HDAC4: variants seen among roughly 807,000 people sequenced by gnomAD.
HDAC4 encodes the protein histone deacetylase 4.
Under a neutral mutation model 135.1 loss-of-function variants are expected in HDAC4, and 16 were observed. That is an observed-to-expected ratio of 0.12 (90% CI 0.08 to 0.18). The LOEUF (loss-of-function observed/expected upper bound fraction) is 0.18. Among genes scored for constraint, HDAC4 ranks in the 10% least tolerant of loss-of-function variants. HDAC4 has a pLI of 1.00. For synonymous variants in HDAC4, 685 were observed against 653.4 expected (o/e 1.05, Z -0.74); for missense variants, 1,143 against 1,511.8 (o/e 0.76, Z 4.05).
chr2:239,300,944 G>A (rs1196274832), intron 2 of HDAC4, among the ~76,000 whole-genome samples: 1 of 152,226 alleles, frequency 6.6e-6, no homozygotes, highest in Non-Finnish European at 1.5e-5. Context: ...CCCTCCCTAG[G>A]GCAAGGGCCC....
intron 1 of HDAC4, among the ~76,000 whole-genome samples, chr2:239,397,555 T>C (rs1441436914): frequency 6.6e-6 from 1 of 152,116 alleles, no homozygotes; most frequent in African/African-American, 2.4e-5. Flanking sequence ...CAAGGGGACA[T>C]GTAGGACCCT....
chr2:239,147,551 T>G (rs1271802771), intron 7 of HDAC4, among the ~76,000 whole-genome samples: 2 of 152,270 alleles, frequency 1.3e-5, no homozygotes, highest in African/African-American at 4.8e-5. Context: ...TCGCGGGCCT[T>G]CCACTCATTC....
At chr2:239,212,679 G>C (rs766923879) in intron 3 of HDAC4, among the ~76,000 whole-genome samples, 1 of 152,196 alleles carries the variant, frequency 6.6e-6, no homozygotes, top group Non-Finnish European at 1.5e-5. Context: ...AGTAAACAGG[G>C]GCAGTGAGAG....
chr2:239,066,730 C>G lies in HDAC4; in HGVS notation c.2995G>C (p.Gly999Arg). ...CTCTGGGGTCTTCCTACCTCGTTTCCCAGCAAGGCAGAAACACATGCTTCC... is the reference window on the plus strand; with the variant it reads ...CTCTGGGGTCTTCCTACCTCGTTTCGCAGCAAGGCAGAAACACATGCTTCC... ...ASEACVSALL[G>R]NELDPLPEKV... The change falls in exon 24 of 27, where the codon GGA becomes CGA. Residue 999 changes from glycine to arginine, a missense_variant. Gly to Arg is a moderately radical substitution (Grantham distance 125). Around this residue, in one of 9 missense-constraint regions of HDAC4, gnomAD observed 131 missense variants for 130.6 expected, o/e 1.00. Coordinates refer to ENST00000543185, the MANE Select transcript of HDAC4 (RefSeq NM_001378414.1). 1 of 1,614,002 alleles carries G rather than the reference C, an allele frequency of 6.2e-7. No individual in the cohort carries two copies.
intron 5 of HDAC4, among the ~76,000 whole-genome samples, chr2:239,166,112 G>C (rs895368781): frequency 2.0e-5 from 3 of 152,160 alleles, no homozygotes; most frequent in African/African-American, 7.2e-5. Flanking sequence ...CTCACAAATG[G>C]AGTTTTTGTT....
chr2:239,271,896 A>G (rs900820258), intron 2 of HDAC4, among the ~76,000 whole-genome samples: 1 of 152,184 alleles, frequency 6.6e-6, no homozygotes, highest in Admixed American at 6.5e-5. Flanking sequence ...AAGCCACTAC[A>G]ATGCTGCCAT....
chr2:239,232,198 A>C (rs1159414694), intron 3 of HDAC4, among the ~76,000 whole-genome samples: 3 of 152,266 alleles, frequency 2.0e-5, no homozygotes, highest in Admixed American at 2.0e-4. Context: ...TTGCTTTTAT[A>C]ATCAGGAAGG....
At chr2:239,246,840 G>C (rs2048492178) in intron 2 of HDAC4, among the ~76,000 whole-genome samples, 2 of 152,246 alleles carry the variant, frequency 1.3e-5, no homozygotes, top group Non-Finnish European at 2.9e-5. Flanking sequence ...CACCATCTCT[G>C]CTCCTGAGAG....
chr2:239,348,555 AAAG>A (rs960373630), intron 2 of HDAC4, among the ~76,000 whole-genome samples: 8 of 152,232 alleles, frequency 5.3e-5, no homozygotes, highest in African/African-American at 1.9e-4. Flanking sequence ...GGGAGAAAAA[AAAG>A]GAGGCGTAGC....
At chr2:239,083,971 G>C (rs2035608836) in intron 20 of HDAC4, among the ~76,000 whole-genome samples, 184 bp downstream of exon 20, 1 of 152,244 alleles carries the variant, frequency 6.6e-6, no homozygotes, top group Non-Finnish European at 1.5e-5. Flanking sequence ...AGGGTCGGCT[G>C]ACGGAAGCTG....
intron 24 of HDAC4, among the ~76,000 whole-genome samples, chr2:239,065,355 A>C (rs2033337316): frequency 6.6e-6 from 1 of 152,246 alleles, no homozygotes; most frequent in South Asian, 2.1e-4. Flanking sequence ...ACCCGAGGGC[A>C]TCTGAGCTGC....
chr2:239,280,180 A>G lies in HDAC4; in HGVS notation c.23-43516T>C, dbSNP rs181458474. On this transcript the variant is annotated intron_variant, in intron 2 of 26. Transcript: ENST00000543185. ...GAAAAACATGTTGGTCAAAGAAAAA[A>G]AAAGGCATCTGGAAATTTCTACCTT... Among the ~76,000 whole-genome samples, 17 of 152,310 alleles carry G rather than the reference A, an allele frequency of 1.1e-4. No individual in the cohort carries two copies. The East Asian group carries it at 2.5e-3, about 22-fold the overall frequency.
chr2:239,107,665 C>T (rs527880217), intron 15 of HDAC4, among the ~76,000 whole-genome samples: 3 of 152,358 alleles, frequency 2.0e-5, no homozygotes, highest in South Asian at 4.1e-4. Context: ...CGGATCTCCC[C>T]GTGGCTCCTT....
intron 11 of HDAC4, among the ~76,000 whole-genome samples, chr2:239,128,794 CCCTGCCCAGG>C (rs562146666): frequency 6.4e-4 from 97 of 152,298 alleles, no homozygotes; most frequent in African/African-American, 2.2e-3. Context: ...CTGCACAGTC[CCCTGCCCAGG>C]CCTGACCCTC....
chr2:239,069,915 A>T (rs999461352), intron 22 of HDAC4, among the ~76,000 whole-genome samples: 1 of 152,212 alleles, frequency 6.6e-6, no homozygotes, highest in East Asian at 1.9e-4. Context: ...GACAAGCTGC[A>T]TTAACCTGGG....
At chr2:239,272,426 C>T in intron 2 of HDAC4, among the ~76,000 whole-genome samples, 1 of 152,180 alleles carries the variant, frequency 6.6e-6, no homozygotes, top group East Asian at 1.9e-4. Flanking sequence ...GATCAAGGAG[C>T]TGTATCTAGA....
intron 2 of HDAC4, among the ~76,000 whole-genome samples, chr2:239,296,192 GCCACCACTCTCAAAGCACACACACA>G (rs1248781701): frequency 6.6e-6 from 1 of 152,170 alleles, no homozygotes; most frequent in African/African-American, 2.4e-5. Context: ...CAATCAGAAA[GCCACCACTCTCAAAGCACACACACA>G]CACGCACATA....
intron 2 of HDAC4, chr2:239,305,578 A>AT (rs1044495346): frequency 2.0e-5 from 3 of 152,674 alleles, no homozygotes; most frequent in African/African-American, 7.2e-5. Flanking sequence ...ATTGTTGTAT[A>AT]TTTTTTAAAA....
intron 2 of HDAC4, among the ~76,000 whole-genome samples, chr2:239,332,694 A>G (rs1691665678): frequency 6.6e-6 from 1 of 152,038 alleles, no homozygotes. Context: ...AACCCCAGCA[A>G]ATTAAATCCC....
Sources: allele counts gnomAD v4.1 joint callset (sites outside exome capture counted in the v4.1 genomes callset), GRCh38; gene constraint gnomAD v4.1.1; regional missense constraint gnomAD v4.1.1; transcripts MANE v1.5; gene names NCBI Gene and HGNC (gene_info 2026-07-23, HGNC 2026-07-21).